Variants in ITGA3 observed in about 807,000 individuals in gnomAD.
ITGA3 encodes the protein integrin alpha-3.
ITGA3 carries 70 observed loss-of-function variants against 131.1 expected under a neutral mutation model. The observed-to-expected ratio is 0.53, with a 90% CI of 0.44 to 0.65. The LOEUF (loss-of-function observed/expected upper bound fraction) is 0.65, where lower values mean the gene tolerates loss of function less well. Ranked by LOEUF, ITGA3 falls within the 30% of genes least tolerant of loss-of-function variation. The probability of loss-of-function intolerance (pLI) is 0.00; values close to 1 mark genes in which losing one functional copy is unlikely to be tolerated. For synonymous variants in ITGA3, 537 were observed against 571.6 expected (o/e 0.94, Z 0.86); for missense variants, 1,098 against 1,388.6 (o/e 0.79, Z 3.33).
At chr17:50,074,673 AC>A (rs1346796771) in intron 10 of ITGA3, 139 bp downstream of exon 10, 6 of 645,718 alleles carry the variant, frequency 9.3e-6, no homozygotes, top group Non-Finnish European at 1.6e-5. Context: ...TGCCCTCTCT[AC>A]CCAACCTCAT....
intron 23 of ITGA3, among the ~76,000 whole-genome samples, chr17:50,084,821 A>C (rs370332635): frequency 7.2e-5 from 11 of 152,322 alleles, no homozygotes; most frequent in African/African-American, 2.6e-4. Context: ...AGGCTGAGGC[A>C]GGAGAATCAC....
intron 21 of ITGA3, among the ~76,000 whole-genome samples, chr17:50,079,867 A>G (rs1297426238): frequency 6.6e-6 from 1 of 152,154 alleles, no homozygotes; most frequent in Non-Finnish European, 1.5e-5. Flanking sequence ...GGGCAGGGCA[A>G]TGGTGGGTGG....
chr17:50,076,262 T>C, intron 12 of ITGA3, 64 bp from the exon 13 acceptor site: 1 of 1,549,084 alleles, frequency 6.5e-7, no homozygotes. Flanking sequence ...TTCAGGGTGG[T>C]GTGAGGATTC....
rs180868125 is a variant in ITGA3 at position 50,068,019 on chromosome 17, G to A, written c.415-37G>A. On this transcript the variant is annotated intron_variant, in intron 3 of 25. Coordinates refer to ENST00000320031, the MANE Select transcript of ITGA3 (RefSeq NM_002204.4). ...AGAGACAGCTGACCCGGGTCCCTGTGCCTGACTAAGGCTGCCTGTGTTTGG... is the reference window on the plus strand; with the variant it reads ...AGAGACAGCTGACCCGGGTCCCTGTACCTGACTAAGGCTGCCTGTGTTTGG... The A allele has an allele frequency of 8.6e-4, 1,380 of 1,611,434 alleles. 9 individuals carry two copies. Among genetic ancestry groups the A allele is most frequent in the Non-Finnish European group, 1.4e-4 (166 of 1,178,560 alleles).
At chr17:50,073,839 A>G in intron 7 of ITGA3, 77 bp from the exon 8 acceptor site, 1 of 1,037,744 alleles carries the variant, frequency 9.6e-7, no homozygotes, top group Non-Finnish European at 1.5e-6. Context: ...GCTGGGCTGT[A>G]TGGCCTGGAG....
In ITGA3 at chr17:50,064,221, G is replaced by A; in HGVS notation, c.334+17G>A. 3 of 1,598,008 alleles carry A rather than the reference G, an allele frequency of 1.9e-6. No individual in the cohort carries two copies. Among genetic ancestry groups the A allele is most frequent in the East Asian group, 4.5e-5 (2 of 44,384 alleles). On this transcript the variant is annotated intron_variant, in intron 2 of 25. Coordinates refer to ENST00000320031, the MANE Select transcript of ITGA3 (RefSeq NM_002204.4). The surrounding 1 kb of genome is among the most constrained non-coding windows in gnomAD (Gnocchi z 4.4). ...CAGTGAAAAGTGAGGGGAAGGGGCT[G>A]GGGAGGGGTGCTGGGTCAGAGGTCT... is the stretch of plus-strand genomic sequence containing the variant.
rs762116353 is a variant in ITGA3 at position 50,077,094 on chromosome 17, C to T, written c.2043C>T (p.Pro681=). ...CGCTGCTCACCCTGGTGGTGCCTCC[C>T]GCCCTGCTGCTGTCCTCAGTGCGCC... ...HEALLTLVVP[P]ALLLSSVRPP... is the part of the protein sequence containing the mutation. The change falls in exon 15 of 26, where the codon CCC becomes CCT. Residue 681 remains proline, a synonymous_variant. Coordinates refer to ENST00000320031, the MANE Select transcript of ITGA3 (RefSeq NM_002204.4). 93 of 1,574,576 alleles carry T rather than the reference C, an allele frequency of 5.9e-5. No homozygotes were observed. In the East Asian group the frequency reaches 1.1e-3, roughly 19 times the overall value.
chr17:50,064,109 T>TG lies in ITGA3; in HGVS notation c.240dup (p.Pro81AlafsTer22), dbSNP rs1416855722. On this transcript the variant is annotated frameshift_variant, in exon 2 of 26. Coordinates refer to ENST00000320031, the MANE Select transcript of ITGA3 (RefSeq NM_002204.4). LOFTEE classifies it high-confidence loss of function. The surrounding 1 kb of genome is among the most constrained non-coding windows in gnomAD (Gnocchi z 4.4). ...GCTGGTGCCCCCCGGGAGCTCGCTG[T>TG]GCCCGATGGCTACACCAACCGGACT... 1 of 1,612,770 alleles carries TG rather than the reference T, an allele frequency of 6.2e-7. No homozygotes were observed. The highest frequency in any genetic ancestry group is 1.3e-5 in the African/African-American group (1 of 74,980).
intron 4 of ITGA3, among the ~76,000 whole-genome samples, 176 bp downstream of exon 4, chr17:50,068,481 C>T (rs764144632): frequency 1.4e-4 from 22 of 152,254 alleles, no homozygotes; most frequent in South Asian, 6.2e-4. Context: ...AGGGGCCTTA[C>T]GCATATTATG....
chr17:50,079,233 T>G lies in ITGA3; in HGVS notation c.2558T>G (p.Ile853Ser). 6.2e-7 allele frequency: 1 copy of G among 1,614,026 alleles called. No individual in the cohort carries two copies. Residue 853 changes from isoleucine (I) to serine (S), a missense_variant, in exon 20 of 26, where the codon ATC (isoleucine) becomes AGC (serine). Transcript: ENST00000320031. Reference sequence around the variant, plus strand: ...CCCTGCCGACCACCTGGAGACCTTATCAACCCTCTCAACCTCACTCTTTCT... The same window carrying G: ...CCCTGCCGACCACCTGGAGACCTTAGCAACCCTCTCAACCTCACTCTTTCT... ...SWPCRPPGDL[I>S]NPLNLTLSDP...
In ITGA3 at chr17:50,089,964, C is replaced by T. The variant is rs889739097; in HGVS notation, c.*886C>T. 3.3e-5 allele frequency: 7 copies of T among 211,176 alleles called. No individual in the cohort carries two copies. The highest frequency in any genetic ancestry group is 5.1e-5 in the Admixed American group (1 of 19,694). The allele number at this position is 211,176 out of a possible 1,614,324, so 13.1% of individuals were successfully genotyped here. ...GCAGGAAGGAACAAAGACAGGCAAA[C>T]GGCAACGTAGCCTGGGCTCACTGTG... On this transcript the variant is annotated 3_prime_UTR_variant, in exon 26 of 26. Coordinates refer to ENST00000320031, the MANE Select transcript of ITGA3 (RefSeq NM_002204.4).
rs374024105 is a variant in ITGA3 at position 50,074,523 on chromosome 17, G to A, written c.1458G>A (p.Thr486=). ...CTGTGCTGGACCCTGCACTTTGCAC[G>A]GCCACCTCTTGGTGAGATTGTTCTG... is the stretch of plus-strand genomic sequence containing the variant. ...RPAVLDPALC[T]ATSCVQVELC... The change falls in exon 10 of 26, where the codon ACG becomes ACA. Residue 486 remains threonine (T), a synonymous_variant. Transcript: ENST00000320031. The A allele has an allele frequency of 5.5e-5, 89 of 1,612,352 alleles. No individual in the cohort carries two copies. The highest frequency in any genetic ancestry group is 1.7e-4 in the Middle Eastern group (1 of 6,054).
Position 50,079,151 on chromosome 17 carries a change from A to C in ITGA3, c.2476A>C (p.Asn826His). 6 of 1,613,944 alleles carry C rather than the reference A, an allele frequency of 3.7e-6. No homozygotes were observed. The highest frequency in any genetic ancestry group is 5.1e-6 in the Non-Finnish European group (6 of 1,179,964). Residue 826 changes from asparagine (N) to histidine (H), a missense_variant, in exon 20 of 26, where the codon AAT (asparagine) becomes CAT (histidine). By Grantham distance (68) the Asn-to-His change is moderately conservative. This residue lies in a region of ITGA3 where 699 missense variants were observed against 829.2 expected (regional missense o/e 0.84). Transcript: ENST00000320031. ...LGLEWPYEVSNGKWLLYPTEI... is the reference protein window; with the variant it reads ...LGLEWPYEVSHGKWLLYPTEI... Reference sequence around the variant, plus strand: ...TCTGGAGTGGCCCTACGAAGTCAGCAATGGCAAGTGGCTGCTGTATCCCAC... The same window carrying C: ...TCTGGAGTGGCCCTACGAAGTCAGCCATGGCAAGTGGCTGCTGTATCCCAC...
At chr17:50,081,247 G>A (rs1325217030) in intron 22 of ITGA3, 63 bp from the exon 23 acceptor site, 2 of 1,056,580 alleles carry the variant, frequency 1.9e-6, no homozygotes, top group African/African-American at 3.2e-5. Flanking sequence ...GAAAGCTTAG[G>A]GTCGGAGGTA....
At chr17:50,058,340 G>A (rs1241074270) in intron 1 of ITGA3, among the ~76,000 whole-genome samples, 1 of 152,188 alleles carries the variant, frequency 6.6e-6, no homozygotes. Context: ...ACCTGAACCT[G>A]AATTTCCGCA....
At chr17:50,076,549 GT>G (rs747368345) in intron 13 of ITGA3, 34 bp from the exon 14 acceptor site, 8 of 1,607,962 alleles carry the variant, frequency 5.0e-6, no homozygotes, top group African/African-American at 4.0e-5. Flanking sequence ...ACTGGGGGGG[GT>G]GGTGCGGCCT....
rs1366231333 is a variant in ITGA3 at position 50,081,333 on chromosome 17, C to G, written c.2844C>G (p.Val948=). The G allele has an allele frequency of 1.3e-6, 2 of 1,591,224 alleles. No homozygotes were observed. Among genetic ancestry groups the G allele is most frequent in the South Asian group, 2.3e-5 (2 of 87,612 alleles). The part of the protein sequence containing the change: ...FIEDYRDFDR[V]RVNGWATLFL... Reference sequence around the variant, plus strand: ...AGGATTACAGAGACTTTGACCGAGTCCGGGTAAATGGCTGGGCTACCCTAT... The same window carrying G: ...AGGATTACAGAGACTTTGACCGAGTGCGGGTAAATGGCTGGGCTACCCTAT... The change falls in exon 23 of 26, where the codon GTC becomes GTG. Residue 948 remains valine (V), a synonymous_variant. Transcript: ENST00000320031.
At chr17:50,065,192 T>A (rs1459100667) in intron 3 of ITGA3, 1 of 152,350 alleles carries the variant, frequency 6.6e-6, no homozygotes, top group African/African-American at 2.4e-5. Flanking sequence ...TTTTATTGCT[T>A]CACACACAGA....
chr17:50,071,891 C>A, intron 6 of ITGA3, 95 bp from the exon 7 acceptor site: 1 of 1,108,670 alleles, frequency 9.0e-7, no homozygotes, highest in Non-Finnish European at 1.3e-6. Flanking sequence ...ATTTGCAGAG[C>A]CCTGTGCCCT....
Sources: allele counts gnomAD v4.1 joint callset (sites outside exome capture counted in the v4.1 genomes callset), GRCh38; gene constraint gnomAD v4.1.1; regional missense constraint gnomAD v4.1.1; non-coding constraint Gnocchi (gnomAD v3.1); transcripts MANE v1.5; gene names NCBI Gene and HGNC (gene_info 2026-07-23, HGNC 2026-07-21).